Variants in SCNN1A observed in about 807,000 individuals in gnomAD.
SCNN1A encodes sodium channel epithelial 1 subunit alpha.
SCNN1A carries 65 observed loss-of-function variants against 68.6 expected under a neutral mutation model. The observed-to-expected ratio is 0.95, with a 90% confidence interval of 0.78 to 1.16. The LOEUF is 1.16. SCNN1A is among the 50% of genes most tolerant of loss of function. SCNN1A has a pLI of 0.00. For synonymous variants in SCNN1A, 357 were observed against 353.3 expected, an observed-to-expected ratio of 1.01 and a Z score of -0.12; for missense variants, 880 against 865.9, an observed-to-expected ratio of 1.02 and a Z score of -0.20.
chr12:6,365,887 G>A (rs1948667714), intron 2 of SCNN1A, among the ~76,000 whole-genome samples: 1 of 151,850 alleles, frequency 6.6e-6, no homozygotes, highest in African/African-American at 2.4e-5. Flanking sequence ...TTTTGAGACG[G>A]AGTCTCAATT....
chr12:6,359,497 G>A (rs939006802), intron 4 of SCNN1A, among the ~76,000 whole-genome samples: 1 of 152,164 alleles, frequency 6.6e-6, no homozygotes, highest in Admixed American at 6.5e-5. Flanking sequence ...TGGGTCACAG[G>A]GGTGGGTCCC....
upstream of SCNN1A, among the ~76,000 whole-genome samples, chr12:6,376,725 A>T (rs980565769): frequency 6.6e-6 from 1 of 152,110 alleles, no homozygotes; most frequent in Non-Finnish European, 1.5e-5. Context: ...CGGGAGAGCC[A>T]CCCACACAAC....
chr12:6,369,759 G>A (rs563363997), intron 2 of SCNN1A, among the ~76,000 whole-genome samples: 14 of 151,090 alleles, frequency 9.3e-5, no homozygotes, highest in South Asian at 8.4e-4. Flanking sequence ...GCATGAACCC[G>A]GGAGGCGGAG....
chr12:6,370,296 C>T (rs189651257), intron 2 of SCNN1A, among the ~76,000 whole-genome samples: 1 of 152,350 alleles, frequency 6.6e-6, no homozygotes, highest in East Asian at 1.9e-4. Flanking sequence ...ACGGCCCCTG[C>T]TTTTTCCACT....
chr12:6,363,770 C>T (rs1002482889), intron 2 of SCNN1A, 60 bp from the exon 3 acceptor site: 4 of 1,479,380 alleles, frequency 2.7e-6, no homozygotes, highest in African/African-American at 1.4e-5. Flanking sequence ...TCTGGCCCCT[C>T]CGGGGTCAGG....
intron 2 of SCNN1A, among the ~76,000 whole-genome samples, chr12:6,367,213 G>C (rs1360814671): frequency 1.3e-5 from 2 of 152,092 alleles, no homozygotes; most frequent in Admixed American, 1.3e-4. Context: ...ACTCCAGCCT[G>C]GGCAACAGAG....
intron 4 of SCNN1A, among the ~76,000 whole-genome samples, chr12:6,356,871 A>G (rs1331773491): frequency 6.6e-6 from 1 of 152,190 alleles, no homozygotes; most frequent in Non-Finnish European, 1.5e-5. Flanking sequence ...GAGGGAGAAG[A>G]GGCTGGCCAG....
In SCNN1A at chr12:6,348,711, TC is replaced by T; in HGVS notation, c.1629+15del. The T allele has an allele frequency of 6.2e-7, 1 of 1,608,462 alleles. No individual in the cohort carries two copies. Among genetic ancestry groups the T allele is most frequent in the South Asian group, 1.1e-5 (1 of 90,890 alleles). The stretch of plus-strand genomic sequence containing the variant: ...GACCCCCAGAGCATCACAGGCTCCA[TC>T]CAGGCACGACCTACCGTGACAGAGG... On this transcript the variant is annotated intron_variant, in intron 12 of 12. Transcript: ENST00000228916.
intron 3 of SCNN1A, among the ~76,000 whole-genome samples, chr12:6,362,751 C>T (rs1948601246): frequency 6.6e-6 from 1 of 151,562 alleles, no homozygotes; most frequent in Non-Finnish European, 1.5e-5. Context: ...GTGATCAAGG[C>T]TCACAGCAGT....
rs144100647 is a variant in SCNN1A, at chr12:6,350,997, AG to A, written c.1361-1593del. ...AAACAGCCTGGCAGCTCCTCAAAAAAGGTTAAACATAGATTACCATATGACC... is the reference window on the plus strand; with the variant it reads ...AAACAGCCTGGCAGCTCCTCAAAAAAGTTAAACATAGATTACCATATGACC... On this transcript the variant is annotated intron_variant, in intron 8 of 12. Transcript: ENST00000228916. 2.8e-3 allele frequency among the ~76,000 whole-genome samples: 421 copies of A among 152,336 alleles called. 3 individuals are homozygous for A. The highest frequency in any genetic ancestry group is 9.6e-3 in the African/African-American group (400 of 41,576).
chr12:6,368,213 GC>G (rs1208826428), intron 2 of SCNN1A, among the ~76,000 whole-genome samples: 1 of 152,090 alleles, frequency 6.6e-6, no homozygotes, highest in Non-Finnish European at 1.5e-5. Flanking sequence ...AGTGCCCCCC[GC>G]CCCCAACCAG....
At position 6,349,017 on chromosome 12, in the gene SCNN1A, T is replaced by C. The variant is rs1948319615; in HGVS notation, c.1498-12A>G. 1 of 1,613,886 alleles carries C rather than the reference T, an allele frequency of 6.2e-7. No homozygotes were observed. The highest frequency in any genetic ancestry group is 1.3e-5 in the African/African-American group (1 of 74,888). On this transcript the variant is annotated splice_polypyrimidine_tract_variant and intron_variant, in intron 10 of 12. Coordinates refer to ENST00000228916, the MANE Select transcript of SCNN1A (RefSeq NM_001038.6). ...TGGAAGACCCATTCCTAGGAAAGAA[T>C]GGGGGTGTCATCAAGGTCACTCCCA...
rs551306856 is a variant in SCNN1A at position 6,354,485 on chromosome 12, C to T, written c.1313G>A (p.Arg438Gln). The part of the protein sequence containing the change: ...ECGCAYIFYP[R>Q]PQNVEYCDYR... ...GTCACAGTACTCCACGTTCTGGGGCCGCGGATAGAAGATGTAGGCACAGCC... is the reference window on the plus strand; with the variant it reads ...GTCACAGTACTCCACGTTCTGGGGCTGCGGATAGAAGATGTAGGCACAGCC... Residue 438 changes from arginine (R) to glutamine (Q), a missense_variant, in exon 8 of 13, where the codon CGG (arginine) becomes CAG (glutamine). Coordinates refer to ENST00000228916, the MANE Select transcript of SCNN1A (RefSeq NM_001038.6). 3.3e-5 allele frequency: 53 copies of T among 1,613,580 alleles called. 1 individual carries two copies. In the East Asian group the frequency reaches 3.3e-4, roughly 10 times the overall value.
chr12:6,374,465 C>T lies in SCNN1A; in HGVS notation c.319G>A (p.Gly107Arg), dbSNP rs144763378. The part of the protein sequence containing the change: ...MMYWQFGLLF[G>R]EYFSYPVSLN... The stretch of plus-strand genomic sequence containing the variant: ...CTGACGGGGTAGCTGAAGTACTCTC[C>T]GAAAAGCAGGCCGAATTGCCAGTAC... Residue 107 changes from glycine to arginine, a missense_variant, in exon 2 of 13, where the codon GGA (glycine) becomes AGA (arginine). By Grantham distance (125) the Gly-to-Arg change is moderately radical (BLOSUM62 -2). This residue lies in a region of SCNN1A where 758 missense variants were observed against 721.8 expected (regional missense o/e 1.05). Coordinates refer to ENST00000228916, the MANE Select transcript of SCNN1A (RefSeq NM_001038.6). The surrounding 1 kb of genome is among the most constrained non-coding windows in gnomAD (Gnocchi z 6.2). 3.5e-5 allele frequency: 56 copies of T among 1,614,192 alleles called. No individual in the cohort carries two copies. In the East Asian group the frequency reaches 4.2e-4, roughly 12 times the overall value.
chr12:6,358,533 C>A (rs909963050), intron 4 of SCNN1A, among the ~76,000 whole-genome samples: 4 of 152,084 alleles, frequency 2.6e-5, no homozygotes, highest in African/African-American at 9.7e-5. Context: ...AAAGTAGAAA[C>A]AATCCAAATG....
intron 8 of SCNN1A, among the ~76,000 whole-genome samples, chr12:6,349,630 G>T (rs1184407753): frequency 1.3e-5 from 2 of 152,058 alleles, no homozygotes. Context: ...GTCGTTTGAG[G>T]CCAGGAGTTC....
chr12:6,354,806 T>G lies in SCNN1A; in HGVS notation c.1186A>C (p.Lys396Gln), dbSNP rs1948467991. Reference protein sequence around the residue: ...RLGGDYGDCTKNGSDVPVENL... With the variant: ...RLGGDYGDCTQNGSDVPVENL... ...TCAACAGGAACATCACTGCCATTCT[T>G]GGTGCAGTCGCCATAATCGCCCCCA... is the stretch of plus-strand genomic sequence containing the variant. The change falls in exon 7 of 13, where the codon AAG (lysine) becomes CAG (glutamine). Residue 396 changes from lysine to glutamine, a missense_variant. Lys to Gln is a moderately conservative substitution (Grantham distance 53, BLOSUM62 1). Coordinates refer to ENST00000228916, the MANE Select transcript of SCNN1A (RefSeq NM_001038.6). The G allele has an allele frequency of 6.2e-7, 1 of 1,613,862 alleles. No homozygotes were observed. The highest frequency in any genetic ancestry group is 1.3e-5 in the African/African-American group (1 of 74,832).
At chr12:6,354,351 T>TC in intron 8 of SCNN1A, 87 bp downstream of exon 8, 1 of 862,714 alleles carries the variant, frequency 1.2e-6, no homozygotes, top group Non-Finnish European at 2.0e-6. Context: ...CCAGAAGTCA[T>TC]CCCCACAAAC....
intron 4 of SCNN1A, among the ~76,000 whole-genome samples, chr12:6,359,880 C>T (rs1255202522): frequency 1.3e-5 from 2 of 150,304 alleles, no homozygotes; most frequent in Non-Finnish European, 3.0e-5. Flanking sequence ...AAGCAATCCT[C>T]CTGCCTCAGC....
Sources: allele counts gnomAD v4.1 joint callset (sites outside exome capture counted in the v4.1 genomes callset), GRCh38; gene constraint gnomAD v4.1.1; regional missense constraint gnomAD v4.1.1; non-coding constraint Gnocchi (gnomAD v3.1); transcripts MANE v1.5; gene names NCBI Gene and HGNC (gene_info 2026-07-23, HGNC 2026-07-21).